AQR: variants seen among roughly 807,000 people sequenced by gnomAD.
AQR encodes the protein RNA helicase aquarius.
AQR carries 61 observed loss-of-function variants against 180.5 expected under a neutral mutation model. The ratio of observed to expected loss-of-function variants is 0.34; its 90% CI spans 0.28 to 0.42. AQR has a LOEUF of 0.42. Among genes scored for constraint, AQR ranks in the 10% least tolerant of loss-of-function variants. The pLI, the probability that AQR is intolerant of heterozygous loss-of-function variation, is 1.00. For missense variants in AQR, 1,281 were observed against 1,798.3 expected, an observed-to-expected ratio of 0.71 and a Z score of 5.20; for synonymous variants, 551 against 588.8, an observed-to-expected ratio of 0.94 and a Z score of 0.93.
chr15:34,862,632 A>G (rs922116617), intron 33 of AQR, among the ~76,000 whole-genome samples: 1 of 152,130 alleles, frequency 6.6e-6, no homozygotes, highest in African/African-American at 2.4e-5. Context: ...TCCTGGGCTC[A>G]AGCAATCCTC....
At chr15:34,964,564 C>T in intron 1 of AQR, 1 of 492,684 alleles carries the variant, frequency 2.0e-6, no homozygotes, top group South Asian at 1.9e-5. Context: ...CAATACAGCT[C>T]AGTTAATAAC....
chr15:34,862,748 T>C (rs1892686977), intron 33 of AQR, 119 bp downstream of exon 33: 2 of 1,130,812 alleles, frequency 1.8e-6, no homozygotes, highest in East Asian at 5.2e-5. Flanking sequence ...TGCAGCACAC[T>C]CTAAAACAGG....
At chr15:34,878,368 A>T (rs1328932426) in intron 27 of AQR, among the ~76,000 whole-genome samples, 23 of 148,882 alleles carry the variant, frequency 1.5e-4, no homozygotes, top group Non-Finnish European at 4.5e-5. Context: ...CCTGGGAAAA[A>T]GAATGAGACT....
chr15:34,943,476 T>A (rs1894059662), intron 6 of AQR: 2 of 491,610 alleles, frequency 4.1e-6, no homozygotes, highest in Non-Finnish European at 6.3e-6. Flanking sequence ...AATAAATAAA[T>A]AAATAAAAAT....
At chr15:34,945,017 A>G (rs1025689107) in intron 5 of AQR, among the ~76,000 whole-genome samples, 8 of 152,194 alleles carry the variant, frequency 5.3e-5, no homozygotes, top group Non-Finnish European at 1.2e-4. Context: ...GTCAAGTCCT[A>G]TGGACCCTTA....
intron 18 of AQR, among the ~76,000 whole-genome samples, chr15:34,905,331 T>C (rs1003892402): frequency 3.3e-5 from 5 of 151,942 alleles, no homozygotes; most frequent in Admixed American, 2.6e-4. Flanking sequence ...GCACTAGACA[T>C]GTATGCAGTT....
rs1892579538 is a variant in AQR at position 34,855,803 on chromosome 15, G to A, written c.*989C>T. ...TTCTATAAATAACAAACTTCAATAC[G>A]ATGTTGATGCTGTTGGTTCACAAAT... On this transcript the variant is annotated 3_prime_UTR_variant, in exon 35 of 35. Coordinates refer to ENST00000156471, the MANE Select transcript of AQR (RefSeq NM_014691.3). 6.6e-6 allele frequency: 1 copy of A among 152,116 alleles called. No homozygotes were observed. Among genetic ancestry groups the A allele is most frequent in the African/African-American group, 2.4e-5 (1 of 41,402 alleles). The allele number at this position is 152,116 out of a possible 1,614,324, so 9.4% of individuals were successfully genotyped here. A position where few individuals can be genotyped will look rare whatever the true frequency, so the allele number is the denominator to read the frequency against.
At chr15:34,947,768 T>C (rs894290102) in intron 5 of AQR, among the ~76,000 whole-genome samples, 2 of 152,160 alleles carry the variant, frequency 1.3e-5, no homozygotes, top group South Asian at 2.1e-4. Flanking sequence ...ATCTCCCAAG[T>C]AGCTGGGACT....
intron 3 of AQR, among the ~76,000 whole-genome samples, chr15:34,955,841 G>A (rs891294943): frequency 1.3e-5 from 2 of 151,284 alleles, no homozygotes; most frequent in Non-Finnish European, 2.9e-5. Flanking sequence ...GCTGGGAGGC[G>A]GAGGTTGCAG....
At position 34,930,868 on chromosome 15, in the gene AQR, G is replaced by A. The variant is rs574665869; in HGVS notation, c.901-497C>T. 1.2e-3 allele frequency among the ~76,000 whole-genome samples: 157 copies of A among 133,324 alleles called. 1 individual carries two copies. In the East Asian group the frequency reaches 0.03, roughly 26 times the overall value. The allele number at this position is 133,324 out of a possible 152,430, so 87.5% of individuals were successfully genotyped here. ...TTTTTTTGGTCTGAGACGGAGTCTC[G>A]CTCTGTCACCCAGGCTGGAGTGCAG... On this transcript the variant is annotated intron_variant, in intron 11 of 34. Coordinates refer to ENST00000156471, the MANE Select transcript of AQR (RefSeq NM_014691.3).
intron 16 of AQR, 74 bp downstream of exon 16, chr15:34,914,958 ATATACT>A (rs1298400603): frequency 7.9e-5 from 111 of 1,404,610 alleles, no homozygotes; most frequent in Non-Finnish European, 1.0e-4. Context: ...TTATTTCTAA[ATATACT>A]TATAAGGTTT....
In AQR at chr15:34,874,407, G is replaced by A. The variant is rs867683546; in HGVS notation, c.3425+270C>T. On this transcript the variant is annotated intron_variant, in intron 29 of 34. Coordinates refer to ENST00000156471, the MANE Select transcript of AQR (RefSeq NM_014691.3). Reference sequence around the variant, plus strand: ...ATTATATTAACTGTATATCTTTTGGGGACATGAAGAAAGGAGAAGGGACAA... The same window carrying A: ...ATTATATTAACTGTATATCTTTTGGAGACATGAAGAAAGGAGAAGGGACAA... 40 of 413,622 alleles carry A rather than the reference G, an allele frequency of 9.7e-5. No homozygotes were observed. In the South Asian group the frequency reaches 1.5e-3, roughly 16 times the overall value. The allele number at this position is 413,622 out of a possible 1,614,324, so 25.6% of individuals were successfully genotyped here. A position where few individuals can be genotyped will look rare whatever the true frequency, so the allele number is the denominator to read the frequency against.
chr15:34,875,943 G>A lies in AQR; in HGVS notation c.3229C>T (p.Leu1077Phe). 1 of 1,608,256 alleles carries A rather than the reference G, an allele frequency of 6.2e-7. No individual in the cohort carries two copies. Among genetic ancestry groups the A allele is most frequent in the South Asian group, 1.1e-5 (1 of 90,868 alleles). The change falls in exon 28 of 35, where the codon CTT becomes TTT. Residue 1077 changes from leucine (L) to phenylalanine (F), a missense_variant. By Grantham distance (22) the Leu-to-Phe change is conservative. Around this residue, in one of 9 missense-constraint regions of AQR, gnomAD observed 197 missense variants for 320.7 expected, o/e 0.61. Coordinates refer to ENST00000156471, the MANE Select transcript of AQR (RefSeq NM_014691.3). ...GATCTTATATTTCTTACCTGTAGAA[G>A]AAGAGGGATAAAAGTTTCTATCTCC... ...ILEIETFIPL[L>F]LQNPQDGFSR...
chr15:34,884,721 C>A lies in AQR; in HGVS notation c.2831G>T (p.Trp944Leu). 6.3e-7 allele frequency: 1 copy of A among 1,599,392 alleles called. No homozygotes were observed. The highest frequency in any genetic ancestry group is 1.8e-5 in the Admixed American group (1 of 56,318). ...TTTCACTTTGCTGATATACTCTTCC[C>A]AGCGAGACATTACCTGTAGAAAAAA... is the stretch of plus-strand genomic sequence containing the variant. The part of the protein sequence containing the change: ...YFFLYQVMSR[W>L]EEYISKVKNK... The change falls in exon 26 of 35, where the codon TGG (tryptophan) becomes TTG (leucine). Residue 944 changes from tryptophan to leucine, a missense_variant. Physicochemically the swap from Trp to Leu is moderately conservative, Grantham distance 61. Transcript: ENST00000156471.
chr15:34,951,439 C>T (rs967598625), intron 4 of AQR, among the ~76,000 whole-genome samples: 3 of 152,032 alleles, frequency 2.0e-5, no homozygotes, highest in Admixed American at 1.3e-4. Flanking sequence ...TTTAGGAAGC[C>T]GAGGCAGGCA....
At chr15:34,877,350 T>C (rs960919575) in intron 27 of AQR, among the ~76,000 whole-genome samples, 3 of 152,214 alleles carry the variant, frequency 2.0e-5, no homozygotes, top group African/African-American at 7.2e-5. Flanking sequence ...ATTATTTTAT[T>C]TTCCAGGGAG....
intron 33 of AQR, among the ~76,000 whole-genome samples, chr15:34,861,394 C>T (rs1200622988): frequency 1.3e-5 from 2 of 152,158 alleles, no homozygotes; most frequent in Non-Finnish European, 2.9e-5. Context: ...CCTTGAGACA[C>T]AGCACTCTCC....
At chr15:34,963,887 C>A (rs933466943) in intron 2 of AQR, among the ~76,000 whole-genome samples, 1 of 151,968 alleles carries the variant, frequency 6.6e-6, no homozygotes, top group Non-Finnish European at 1.5e-5. Flanking sequence ...TGGTCTCGAT[C>A]TCCTGACCTT....
chr15:34,920,969 CAATAAT>C (rs1401166746), intron 13 of AQR, among the ~76,000 whole-genome samples: 1 of 151,466 alleles, frequency 6.6e-6, no homozygotes, highest in African/African-American at 2.4e-5. Context: ...AAAATAATAA[CAATAAT>C]AATAACAATA....
Sources: allele counts gnomAD v4.1 joint callset (sites outside exome capture counted in the v4.1 genomes callset), GRCh38; gene constraint gnomAD v4.1.1; regional missense constraint gnomAD v4.1.1; transcripts MANE v1.5; gene names NCBI Gene and HGNC (gene_info 2026-07-23, HGNC 2026-07-21).